CFAP77: variants seen among roughly 807,000 people sequenced by gnomAD.
The protein encoded by CFAP77 is cilia- and flagella-associated protein 77.
CFAP77 carries 25 observed loss-of-function variants against 31.1 expected under a neutral mutation model. That is an observed-to-expected ratio of 0.80 (90% CI 0.59 to 1.12). The LOEUF (loss-of-function observed/expected upper bound fraction) is 1.12, where lower values mean the gene tolerates loss of function less well. Among genes scored for constraint, CFAP77 ranks in the 50% most tolerant of loss-of-function variants. The pLI, the probability that CFAP77 is intolerant of heterozygous loss-of-function variation, is 0.00. For synonymous variants in CFAP77, 151 were observed against 159.9 expected (o/e 0.94, Z 0.42); for missense variants, 377 against 397.3 (o/e 0.95, Z 0.44).
intron 1 of CFAP77, among the ~76,000 whole-genome samples, chr9:132,467,493 A>G (rs1851175557): frequency 6.6e-6 from 1 of 152,226 alleles, no homozygotes. Flanking sequence ...ACTGCCGTGA[A>G]GGTCCATCCA....
At chr9:132,528,443 T>A (rs1316189739) in intron 3 of CFAP77, among the ~76,000 whole-genome samples, 1 of 148,480 alleles carries the variant, frequency 6.7e-6, no homozygotes, top group African/African-American at 2.4e-5. Context: ...GACATAGGCG[T>A]GGGCAAGGTC....
At chr9:132,516,756 A>G (rs1852153947) in intron 3 of CFAP77, among the ~76,000 whole-genome samples, 1 of 152,100 alleles carries the variant, frequency 6.6e-6, no homozygotes, top group Non-Finnish European at 1.5e-5. Flanking sequence ...TCTCTGCATC[A>G]TTTCGTACAA....
In CFAP77 at chr9:132,498,110, G is replaced by A. The variant is rs528460; in HGVS notation, c.196-585G>A. Among the ~76,000 whole-genome samples, 31,281 of 152,022 alleles carry A rather than the reference G, an allele frequency of 0.21. 4,189 individuals carry two copies. Among genetic ancestry groups the A allele is most frequent in the African/African-American group, 0.38 (15,600 of 41,426 alleles). ...GCACAAACCACCTCTGAGAGGCCAAGGAGTTCCCTAGAGTCCCAGGGAGTA... is the reference window on the plus strand; with the variant it reads ...GCACAAACCACCTCTGAGAGGCCAAAGAGTTCCCTAGAGTCCCAGGGAGTA... On this transcript the variant is annotated intron_variant, in intron 1 of 5. Coordinates refer to ENST00000393216, the MANE Select transcript of CFAP77 (RefSeq NM_001282957.2). The surrounding 1 kb of genome is among the most constrained non-coding windows in gnomAD (Gnocchi z 4.2).
chr9:132,485,997 T>TAA (rs1851534316), intron 1 of CFAP77, among the ~76,000 whole-genome samples: 1 of 6,308 alleles, frequency 1.6e-4, no homozygotes, highest in African/African-American at 1.5e-3. Context: ...TATATATATA[T>TAA]ATATATATAT....
chr9:132,442,736 C>G (rs975353478), intron 1 of CFAP77, among the ~76,000 whole-genome samples: 2 of 151,026 alleles, frequency 1.3e-5, no homozygotes, highest in Non-Finnish European at 2.9e-5. Flanking sequence ...GAGATGGGAT[C>G]TTGCTATATT....
At chr9:132,559,344 T>G (rs1163554679) in intron 5 of CFAP77, among the ~76,000 whole-genome samples, 1 of 22,794 alleles carries the variant, frequency 4.4e-5, no homozygotes, top group Non-Finnish European at 8.5e-5. Context: ...GACTCTGTCT[T>G]GCAAAAAAAA....
chr9:132,430,762 A>AT (rs760072846), intron 1 of CFAP77, among the ~76,000 whole-genome samples: 4 of 152,118 alleles, frequency 2.6e-5, no homozygotes, highest in Non-Finnish European at 4.4e-5. Flanking sequence ...ACCTCCTATC[A>AT]TATCAGCCCT....
At chr9:132,525,462 T>C (rs1020375212) in intron 3 of CFAP77, among the ~76,000 whole-genome samples, 10 of 152,214 alleles carry the variant, frequency 6.6e-5, no homozygotes, top group African/African-American at 2.4e-4. Context: ...AGAGAAAGTT[T>C]GTACAGAGAA....
At chr9:132,569,799 A>G (rs1012578409) in intron 5 of CFAP77, among the ~76,000 whole-genome samples, 28 of 146,202 alleles carry the variant, frequency 1.9e-4, no homozygotes, top group African/African-American at 6.1e-4. Flanking sequence ...GCAGTGGCAC[A>G]ATCTCGGCTC....
chr9:132,531,385 C>T (rs994502219), intron 3 of CFAP77, among the ~76,000 whole-genome samples: 2 of 152,166 alleles, frequency 1.3e-5, no homozygotes, highest in East Asian at 1.9e-4. Context: ...CGTGGGAGGG[C>T]GCCGGACCAG....
At chr9:132,491,881 T>A (rs1293364708) in intron 1 of CFAP77, among the ~76,000 whole-genome samples, 2 of 152,244 alleles carry the variant, frequency 1.3e-5, no homozygotes, top group Non-Finnish European at 2.9e-5. Flanking sequence ...TCTTATATGT[T>A]GTTTTGCTTA....
chr9:132,411,603 C>T (rs1039936498), intron 1 of CFAP77, among the ~76,000 whole-genome samples: 2 of 152,236 alleles, frequency 1.3e-5, no homozygotes, highest in African/African-American at 4.8e-5. Context: ...CAAAGTGGAA[C>T]AAGGTCCTTC....
chr9:132,522,043 T>G (rs1012593442), intron 3 of CFAP77, among the ~76,000 whole-genome samples: 2 of 152,114 alleles, frequency 1.3e-5, no homozygotes, highest in Non-Finnish European at 2.9e-5. Context: ...ATTACAGGCG[T>G]GAGCCACTAC....
chr9:132,447,310 G>A (rs186413046), intron 1 of CFAP77, among the ~76,000 whole-genome samples: 1 of 152,350 alleles, frequency 6.6e-6, no homozygotes, highest in East Asian at 1.9e-4. Context: ...TCTTTCTGGG[G>A]ATGCAGAGAG....
intron 5 of CFAP77, among the ~76,000 whole-genome samples, chr9:132,549,240 G>A (rs1019908712): frequency 2.6e-5 from 4 of 152,114 alleles, no homozygotes; most frequent in African/African-American, 4.8e-5. Context: ...AAGATGGGCC[G>A]ACCCCCACAA....
chr9:132,507,876 T>C (rs1851960704), intron 3 of CFAP77, among the ~76,000 whole-genome samples: 1 of 152,130 alleles, frequency 6.6e-6, no homozygotes, highest in South Asian at 2.1e-4. Flanking sequence ...TCCCCGGGCC[T>C]CAGAGAGGGC....
At chr9:132,470,111 T>C (rs1019817326) in intron 1 of CFAP77, among the ~76,000 whole-genome samples, 1 of 152,150 alleles carries the variant, frequency 6.6e-6, no homozygotes, top group African/African-American at 2.4e-5. Flanking sequence ...AGTGCTGGGA[T>C]TACAGGCGTG....
intron 1 of CFAP77, among the ~76,000 whole-genome samples, chr9:132,442,157 G>A (rs1732786907): frequency 6.6e-6 from 1 of 152,142 alleles, no homozygotes; most frequent in Admixed American, 6.6e-5. Context: ...CAGTGATATG[G>A]AACAAGGAAT....
intron 3 of CFAP77, among the ~76,000 whole-genome samples, chr9:132,535,943 TTC>T (rs1852534837): frequency 6.6e-6 from 1 of 152,144 alleles, no homozygotes. Context: ...TAGCTTTCCT[TTC>T]TGTCATTTCC....
Sources: gnomAD v4.1 joint callset for allele counts (sites outside exome capture counted in the v4.1 genomes callset) on GRCh38, gnomAD v4.1.1 for gene constraint, Gnocchi (gnomAD v3.1) non-coding constraint, MANE v1.5 for transcripts, NCBI Gene and HGNC (gene_info 2026-07-23, HGNC 2026-07-21) for gene names.